EDIL3: variants seen among roughly 807,000 people sequenced by gnomAD.
EDIL3 encodes EGF like and discoidin domains 3.
In EDIL3, 37 loss-of-function variants were observed where a neutral mutation model predicts 67.4. That is an observed-to-expected ratio of 0.55 (90% CI 0.42 to 0.72). EDIL3 has a LOEUF of 0.72. EDIL3 is among the 30% of genes least tolerant of loss of function. The probability of loss-of-function intolerance (pLI) is 0.00; values close to 1 mark genes in which losing one functional copy is unlikely to be tolerated. For synonymous variants in EDIL3, 195 were observed against 196.3 expected (o/e 0.99, Z 0.05); for missense variants, 527 against 586.3 (o/e 0.90, Z 1.04).
chr5:84,051,101 CCT>C (rs1335231113), intron 9 of EDIL3, among the ~76,000 whole-genome samples: 1 of 152,152 alleles, frequency 6.6e-6, no homozygotes, highest in Non-Finnish European at 1.5e-5. Context: ...GCTGGGTACC[CCT>C]CTGAGACAAA....
intron 6 of EDIL3, among the ~76,000 whole-genome samples, chr5:84,079,545 A>AG (rs982333049): frequency 6.6e-6 from 1 of 151,972 alleles, no homozygotes; most frequent in African/African-American, 2.4e-5. Context: ...AAAGAGTAGG[A>AG]AATTTTTTTT....
intron 9 of EDIL3, among the ~76,000 whole-genome samples, chr5:83,993,883 C>T (rs1439574477): frequency 6.6e-6 from 1 of 152,168 alleles, no homozygotes; most frequent in Non-Finnish European, 1.5e-5. Flanking sequence ...CAAGGCAATC[C>T]TAAGCCTCTG....
chr5:84,239,068 A>C (rs1744741278), intron 2 of EDIL3, among the ~76,000 whole-genome samples: 1 of 152,194 alleles, frequency 6.6e-6, no homozygotes, highest in African/African-American at 2.4e-5. Context: ...GGAACATGTC[A>C]TATCTCTCTC....
chr5:84,208,131 T>C (rs1744026111), intron 3 of EDIL3, among the ~76,000 whole-genome samples: 1 of 151,738 alleles, frequency 6.6e-6, no homozygotes, highest in South Asian at 2.1e-4. Flanking sequence ...TGGGAGAAAA[T>C]TTTCGCAACC....
intron 9 of EDIL3, among the ~76,000 whole-genome samples, chr5:83,995,397 T>G (rs946840244): frequency 6.6e-6 from 1 of 152,162 alleles, no homozygotes; most frequent in Non-Finnish European, 1.5e-5. Flanking sequence ...TGTCCCCACA[T>G]GGTACTGGGC....
At chr5:84,136,414 T>G (rs1446072819) in intron 5 of EDIL3, among the ~76,000 whole-genome samples, 1 of 152,230 alleles carries the variant, frequency 6.6e-6, no homozygotes, top group Non-Finnish European at 1.5e-5. Context: ...AACCTGTGTT[T>G]GGGCCCATTT....
chr5:83,984,105 C>A (rs182801877), intron 9 of EDIL3, among the ~76,000 whole-genome samples: 2 of 151,806 alleles, frequency 1.3e-5, no homozygotes, highest in Non-Finnish European at 2.9e-5. Context: ...TGGTTCAGAG[C>A]GTCTTGGGAA....
rs145712253 is a variant in EDIL3 at position 84,018,048 on chromosome 5, A to G, written c.1137+42252T>C. Among the ~76,000 whole-genome samples the G allele has an allele frequency of 2.1e-4, 32 of 152,268 alleles. No homozygotes were observed. The East Asian group carries it at 5.8e-3, about 28-fold the overall frequency. Reference sequence around the variant, plus strand: ...CCATCGTATGAAAAGATGTGCAGATATTGGCTCTGCACTTCCACATCCAGC... The same window carrying G: ...CCATCGTATGAAAAGATGTGCAGATGTTGGCTCTGCACTTCCACATCCAGC... On this transcript the variant is annotated intron_variant, in intron 9 of 10. Transcript: ENST00000296591.
chr5:83,945,996 GT>G (rs1404788049), intron 10 of EDIL3, among the ~76,000 whole-genome samples: 1 of 151,916 alleles, frequency 6.6e-6, no homozygotes, highest in Non-Finnish European at 1.5e-5. Flanking sequence ...CACATGTGCT[GT>G]TTTCTTATCT....
At position 84,384,322 on chromosome 5, in the gene EDIL3, G is replaced by A; in HGVS notation, c.53C>T (p.Pro18Leu). Residue 18 changes from proline to leucine, a missense_variant, in exon 1 of 11, where the codon CCC becomes CTC. Pro to Leu is a moderately conservative substitution (Grantham distance 98). Coordinates refer to ENST00000296591, the MANE Select transcript of EDIL3 (RefSeq NM_005711.5). Reference sequence around the variant, plus strand: ...CGACGCCTTACCTTTGCCGAACTGGGGGACACCGAGGCTGAGCCCGACCAA... The same window carrying A: ...CGACGCCTTACCTTTGCCGAACTGGAGGACACCGAGGCTGAGCCCGACCAA... ...WLLVGLSLGV[P>L]QFGKGDICDP... is the part of the protein sequence containing the mutation. The A allele has an allele frequency of 1.9e-6, 3 of 1,610,902 alleles. No homozygotes were observed. Among genetic ancestry groups the A allele is most frequent in the Admixed American group, 1.7e-5 (1 of 59,562 alleles).
At chr5:84,077,473 TG>T (rs1430157249) in intron 6 of EDIL3, among the ~76,000 whole-genome samples, 1 of 152,172 alleles carries the variant, frequency 6.6e-6, no homozygotes, top group Non-Finnish European at 1.5e-5. Flanking sequence ...TCCACATGGC[TG>T]GGGAGGGCTC....
At chr5:84,172,714 T>C (rs1354317770) in intron 4 of EDIL3, among the ~76,000 whole-genome samples, 1 of 152,192 alleles carries the variant, frequency 6.6e-6, no homozygotes, top group African/African-American at 2.4e-5. Context: ...ACCAGTACTG[T>C]ACACCAGGTA....
chr5:84,039,575 C>T (rs1467765043), intron 9 of EDIL3, among the ~76,000 whole-genome samples: 1 of 152,014 alleles, frequency 6.6e-6, no homozygotes, highest in Non-Finnish European at 1.5e-5. Context: ...TATCTATTGA[C>T]CGAAAATCAT....
At chr5:83,973,398 G>C (rs1744824560) in intron 9 of EDIL3, among the ~76,000 whole-genome samples, 1 of 152,050 alleles carries the variant, frequency 6.6e-6, no homozygotes, top group Non-Finnish European at 1.5e-5. Flanking sequence ...ACAATTATCA[G>C]TAAATAATTT....
chr5:84,076,710 C>A (rs1746863467), intron 6 of EDIL3, among the ~76,000 whole-genome samples: 1 of 152,038 alleles, frequency 6.6e-6, no homozygotes, highest in South Asian at 2.1e-4. Context: ...TTGAAATTTC[C>A]AATTTTATAA....
At chr5:84,224,723 C>T (rs892638365) in intron 3 of EDIL3, among the ~76,000 whole-genome samples, 2 of 151,352 alleles carry the variant, frequency 1.3e-5, no homozygotes, top group African/African-American at 2.4e-5. Flanking sequence ...TTTTTAAAGG[C>T]ATATATATTA....
intron 9 of EDIL3, among the ~76,000 whole-genome samples, chr5:84,037,760 G>C (rs1032283855): frequency 6.6e-6 from 1 of 152,054 alleles, no homozygotes; most frequent in Non-Finnish European, 1.5e-5. Context: ...CCATGGTTAT[G>C]TTTCTGTAAA....
At chr5:83,985,063 A>G (rs1745036387) in intron 9 of EDIL3, among the ~76,000 whole-genome samples, 1 of 151,946 alleles carries the variant, frequency 6.6e-6, no homozygotes. Flanking sequence ...CACTCCCTGG[A>G]TTCCTTCTTT....
chr5:84,252,752 A>T (rs910030844), intron 2 of EDIL3, among the ~76,000 whole-genome samples: 1 of 152,034 alleles, frequency 6.6e-6, no homozygotes, highest in Admixed American at 6.6e-5. Context: ...TTTCCTGAGG[A>T]TATGATTCTC....
Sources: gnomAD v4.1 joint callset for allele counts (sites outside exome capture counted in the v4.1 genomes callset) on GRCh38, gnomAD v4.1.1 for gene constraint, MANE v1.5 for transcripts, NCBI Gene and HGNC (gene_info 2026-07-23, HGNC 2026-07-21) for gene names.